The following UBAP2L variants were observed in gnomAD, a reference collection of about 807,000 sequenced individuals.
The protein encoded by UBAP2L is ubiquitin-associated protein 2-like.
UBAP2L carries 12 observed loss-of-function variants against 130.6 expected under a neutral mutation model. That is an observed-to-expected ratio of 0.09 (90% CI 0.06 to 0.15). UBAP2L has a LOEUF of 0.15. Ranked by LOEUF, UBAP2L falls within the 10% of genes least tolerant of loss-of-function variation. The pLI, the probability that UBAP2L is intolerant of heterozygous loss-of-function variation, is 1.00. For missense variants in UBAP2L, 965 were observed against 1,332.5 expected, an observed-to-expected ratio of 0.72 and a Z score of 4.29; for synonymous variants, 503 against 524.7, an observed-to-expected ratio of 0.96 and a Z score of 0.57.
chr1:154,259,157 T>C, intron 21 of UBAP2L, 127 bp downstream of exon 21: 1 of 825,304 alleles, frequency 1.2e-6, no homozygotes. Flanking sequence ...TAAGGCATAT[T>C]AGAATATAGG....
intron 12 of UBAP2L, 69 bp downstream of exon 12, chr1:154,249,506 GA>G: frequency 1.3e-6 from 2 of 1,591,212 alleles, no homozygotes; most frequent in Non-Finnish European, 1.7e-6. Context: ...CTAGCAGGGG[GA>G]GGGGGTGGAG....
chr1:154,252,238 G>A (rs1677893825), intron 14 of UBAP2L, among the ~76,000 whole-genome samples: 1 of 148,888 alleles, frequency 6.7e-6, no homozygotes. Context: ...GCCTCCCAAA[G>A]TGCTGGGATT....
At chr1:154,245,377 C>G (rs1040216373) in intron 10 of UBAP2L, among the ~76,000 whole-genome samples, 1 of 152,144 alleles carries the variant, frequency 6.6e-6, no homozygotes, top group Non-Finnish European at 1.5e-5. Context: ...TTTAGGAGCT[C>G]CATGCCAGGA....
intron 6 of UBAP2L, 59 bp downstream of exon 6, chr1:154,235,350 T>G (rs1166430938): frequency 7.2e-6 from 5 of 693,014 alleles, no homozygotes; most frequent in Admixed American, 2.7e-5. Context: ...TCATTAATGG[T>G]CTGCTTTATT....
At chr1:154,245,639 G>T (rs370625284) in intron 10 of UBAP2L, among the ~76,000 whole-genome samples, 2 of 152,142 alleles carry the variant, frequency 1.3e-5, no homozygotes, top group Non-Finnish European at 2.9e-5. Context: ...GGCCGGGTGC[G>T]GTGCGGTGGC....
intron 1 of UBAP2L, among the ~76,000 whole-genome samples, chr1:154,221,711 G>C (rs1218857759): frequency 6.6e-6 from 1 of 152,202 alleles, no homozygotes; most frequent in Non-Finnish European, 1.5e-5. Context: ...CTCTTTGTCA[G>C]CTCCTCTTAT....
intron 15 of UBAP2L, 115 bp from the exon 16 acceptor site, chr1:154,254,721 T>G (rs1679034631): frequency 5.3e-6 from 6 of 1,139,190 alleles, no homozygotes; most frequent in Non-Finnish European, 7.5e-6. Context: ...TTGGTTAATT[T>G]ACAGAGTTTC....
intron 1 of UBAP2L, among the ~76,000 whole-genome samples, chr1:154,221,604 GGGA>G (rs997715808): frequency 5.3e-5 from 8 of 152,230 alleles, no homozygotes; most frequent in Non-Finnish European, 1.0e-4. Flanking sequence ...CTGGGAGGTA[GGGA>G]GGAGATTGGC....
intron 4 of UBAP2L, among the ~76,000 whole-genome samples, chr1:154,231,739 A>G (rs577278878): frequency 6.6e-6 from 1 of 152,252 alleles, no homozygotes; most frequent in African/African-American, 2.4e-5. Context: ...ATGGGTCAGA[A>G]TTTCATTCCT....
intron 4 of UBAP2L, among the ~76,000 whole-genome samples, chr1:154,230,246 ATCC>A (rs1669382113): frequency 6.6e-6 from 1 of 152,134 alleles, no homozygotes; most frequent in Non-Finnish European, 1.5e-5. Context: ...AGCTCAGGCA[ATCC>A]TCCTGCCTCG....
rs201325568 is a variant in UBAP2L, at chr1:154,254,119, G to T, written c.1854+30G>T. Reference sequence around the variant, plus strand: ...TGGCTTCATGAACCCTTGGGAATTGGTTAGGAGAATAGTGGGCAAAAATTC... The same window carrying T: ...TGGCTTCATGAACCCTTGGGAATTGTTTAGGAGAATAGTGGGCAAAAATTC... On this transcript the variant is annotated intron_variant, in intron 15 of 26. Transcript: ENST00000428931. The T allele has an allele frequency of 2.0e-6, 3 of 1,481,354 alleles. No individual in the cohort carries two copies. The African/African-American group carries it at 4.3e-5, about 21-fold the overall frequency. 91.8% of individuals were successfully genotyped at this position (1,481,354 alleles called of 1,614,324 possible).
chr1:154,253,567 A>G (rs1018406240), intron 14 of UBAP2L, among the ~76,000 whole-genome samples: 2 of 150,498 alleles, frequency 1.3e-5, no homozygotes, highest in African/African-American at 4.9e-5. Flanking sequence ...TATTTTTAGT[A>G]GAGACCATGT....
intron 11 of UBAP2L, among the ~76,000 whole-genome samples, chr1:154,246,704 C>T (rs181981900): frequency 6.6e-6 from 1 of 152,288 alleles, no homozygotes; most frequent in East Asian, 1.9e-4. Flanking sequence ...TTTTGCAGCC[C>T]TCATTAAACT....
At chr1:154,269,347 C>G in intron 26 of UBAP2L, 2 of 1,333,024 alleles carry the variant, frequency 1.5e-6, no homozygotes, top group Non-Finnish European at 2.0e-6. Context: ...TCCATATATC[C>G]TGGTTCTGCC....
At chr1:154,231,191 G>C (rs1263650137) in intron 4 of UBAP2L, among the ~76,000 whole-genome samples, 2 of 151,894 alleles carry the variant, frequency 1.3e-5, no homozygotes, top group Non-Finnish European at 2.9e-5. Context: ...GAGTGCAGTA[G>C]CATGATCACT....
At chr1:154,251,798 T>G (rs1677687333) in intron 14 of UBAP2L, 145 bp downstream of exon 14, 1 of 886,400 alleles carries the variant, frequency 1.1e-6, no homozygotes, top group East Asian at 2.6e-5. Context: ...TTTAGTGCTT[T>G]AAAATATTGT....
At chr1:154,266,660 C>G (rs1267321243) in intron 25 of UBAP2L, 92 bp downstream of exon 25, 1 of 1,349,754 alleles carries the variant, frequency 7.4e-7, no homozygotes, top group Non-Finnish European at 1.1e-6. Flanking sequence ...CAAGAAGAAC[C>G]CTAGGAGAGG....
At chr1:154,247,973 TTA>T (rs1558177733) in intron 11 of UBAP2L, among the ~76,000 whole-genome samples, 4 of 150,416 alleles carry the variant, frequency 2.7e-5, no homozygotes, top group Admixed American at 6.7e-5. Context: ...TATTTATTTT[TTA>T]TTTTTTTTTG....
Position 154,255,219 on chromosome 1 carries a change from G to C in UBAP2L, c.1977G>C (p.Thr659=), listed in dbSNP as rs778593165. 3.7e-6 allele frequency: 6 copies of C among 1,614,152 alleles called. No homozygotes were observed. In the East Asian group the frequency reaches 6.7e-5, roughly 18 times the overall value. ...CTAGCATCCCCCCTCTCAATGAAAC[G>C]GTATCTGCAGCTTCCTTACTGACGA... ...STSSIPPLNE[T]VSAASLLTTT... is the part of the protein sequence containing the mutation. Residue 659 remains threonine (T), a synonymous_variant, in exon 17 of 27, where the codon ACG becomes ACC. Transcript: ENST00000428931.
Sources: gnomAD v4.1 joint callset for allele counts (sites outside exome capture counted in the v4.1 genomes callset) on GRCh38, gnomAD v4.1.1 for gene constraint, MANE v1.5 for transcripts, NCBI Gene and HGNC (gene_info 2026-07-23, HGNC 2026-07-21) for gene names.